The following CPNE4 variants were observed in gnomAD, a reference collection of about 807,000 sequenced individuals.
CPNE4 encodes copine 4.
Under a neutral mutation model 67.9 loss-of-function variants are expected in CPNE4, and 25 were observed. The observed-to-expected ratio is 0.37, with a 90% CI of 0.27 to 0.51. CPNE4 has a LOEUF of 0.51. CPNE4 is among the 20% of genes least tolerant of loss of function. The pLI is 0.93. For synonymous variants in CPNE4, 242 were observed against 244.9 expected, an observed-to-expected ratio of 0.99 and a Z score of 0.11; for missense variants, 464 against 690.8, an observed-to-expected ratio of 0.67 and a Z score of 3.68.
intron 7 of CPNE4, among the ~76,000 whole-genome samples, chr3:131,619,492 T>C (rs1582902942): frequency 6.6e-6 from 1 of 152,232 alleles, no homozygotes; most frequent in South Asian, 2.1e-4. Context: ...TATTGAACTC[T>C]GGGCTTTGTG....
At chr3:131,820,449 C>T (rs1180771573) in intron 2 of CPNE4, among the ~76,000 whole-genome samples, 2 of 152,184 alleles carry the variant, frequency 1.3e-5, no homozygotes, top group African/African-American at 4.8e-5. Flanking sequence ...TGAGGGGGCT[C>T]TCTGCAGCTG....
At chr3:131,745,242 C>T (rs2082459761) in intron 2 of CPNE4, among the ~76,000 whole-genome samples, 1 of 152,000 alleles carries the variant, frequency 6.6e-6, no homozygotes, top group Admixed American at 6.6e-5. Context: ...TTTGATGAAA[C>T]GTCTCTTCAT....
chr3:131,541,059 G>A (rs1049613636), intron 15 of CPNE4, among the ~76,000 whole-genome samples: 3 of 152,198 alleles, frequency 2.0e-5, no homozygotes, highest in Non-Finnish European at 2.9e-5. Flanking sequence ...CTGCAGCAGT[G>A]CAGAGGGCAA....
chr3:131,915,970 A>C (rs989992417), intron 1 of CPNE4, among the ~76,000 whole-genome samples: 1 of 152,218 alleles, frequency 6.6e-6, no homozygotes, highest in Non-Finnish European at 1.5e-5. Context: ...AATTTAATGT[A>C]TAAGTGTAAC....
At position 131,973,621 on chromosome 3, in the gene CPNE4, AT is replaced by A. The variant is rs139445666; in HGVS notation, c.-2+60945del. The stretch of plus-strand genomic sequence containing the variant: ...CAGCAGAGCTGGTGGCAGAGCTGGT[AT>A]TCAAACCCAGGCAATTTGATACCAG... On this transcript the variant is annotated intron_variant, in intron 1 of 15. Transcript: ENST00000429747. 8.3e-4 allele frequency among the ~76,000 whole-genome samples: 127 copies of A among 152,352 alleles called. No homozygotes were observed. The East Asian group carries it at 0.023, about 28-fold the overall frequency.
chr3:131,850,232 GCTCT>G (rs915374945), intron 2 of CPNE4, among the ~76,000 whole-genome samples: 7 of 151,938 alleles, frequency 4.6e-5, no homozygotes, highest in African/African-American at 4.8e-5. Flanking sequence ...TCTAAAAAAT[GCTCT>G]CTAAGGGTTT....
At chr3:131,794,861 G>A (rs2083876459) in intron 2 of CPNE4, among the ~76,000 whole-genome samples, 1 of 152,150 alleles carries the variant, frequency 6.6e-6, no homozygotes, top group African/African-American at 2.4e-5. Context: ...ATGAAAGCTT[G>A]GGGAATGAAA....
At chr3:131,814,572 A>ATT (rs71136418) in intron 2 of CPNE4, among the ~76,000 whole-genome samples, 1 of 71,134 alleles carries the variant, frequency 1.4e-5, no homozygotes, top group Non-Finnish European at 2.7e-5. Flanking sequence ...TTGAAATGCA[A>ATT]TTTTTTTTTT....
intron 1 of CPNE4, among the ~76,000 whole-genome samples, chr3:131,993,216 G>A (rs1281696014): frequency 1.5e-5 from 2 of 135,310 alleles, no homozygotes; most frequent in African/African-American, 4.9e-5. Context: ...ACTCATGAAA[G>A]TATCACAAGT....
chr3:131,759,118 C>A (rs1449439806), intron 2 of CPNE4, among the ~76,000 whole-genome samples: 1 of 152,092 alleles, frequency 6.6e-6, no homozygotes, highest in African/African-American at 2.4e-5. Context: ...GTAGAAGAAT[C>A]CAAGCAAGAA....
chr3:131,803,075 G>C (rs573886560), intron 2 of CPNE4, among the ~76,000 whole-genome samples: 5 of 152,132 alleles, frequency 3.3e-5, no homozygotes, highest in Admixed American at 1.3e-4. Context: ...GTAGTGAAAG[G>C]TTACAAAAAT....
At chr3:131,582,898 G>A (rs1247664885) in intron 8 of CPNE4, among the ~76,000 whole-genome samples, 4 of 152,170 alleles carry the variant, frequency 2.6e-5, no homozygotes, top group African/African-American at 7.2e-5. Flanking sequence ...GAAGAATTCA[G>A]CCAATACTGC....
chr3:131,983,898 T>A (rs1184066911), intron 1 of CPNE4, among the ~76,000 whole-genome samples: 1 of 152,222 alleles, frequency 6.6e-6, no homozygotes, highest in Non-Finnish European at 1.5e-5. Context: ...AGAGAGTCAC[T>A]GTGTCTTCAA....
At chr3:131,961,754 T>C (rs2072187702) in intron 1 of CPNE4, among the ~76,000 whole-genome samples, 1 of 152,142 alleles carries the variant, frequency 6.6e-6, no homozygotes, top group Non-Finnish European at 1.5e-5. Context: ...CCTCAAAAAA[T>C]GACCTTAAAG....
chr3:131,680,671 T>C (rs2080725045), intron 6 of CPNE4, among the ~76,000 whole-genome samples: 2 of 152,184 alleles, frequency 1.3e-5, no homozygotes, highest in Non-Finnish European at 2.9e-5. Context: ...ATTTTATTTA[T>C]TTAATTTTTT....
rs552419921 is a variant in CPNE4, at chr3:131,697,809, A to G, written c.433-1193T>C. On this transcript the variant is annotated intron_variant, in intron 4 of 15. Coordinates refer to ENST00000429747, the MANE Select transcript of CPNE4 (RefSeq NM_130808.3). ...GATCACAGACACCTTTGGAAAACTGATGAAAGTTATGATTTTCACCATCTG... is the reference window on the plus strand; with the variant it reads ...GATCACAGACACCTTTGGAAAACTGGTGAAAGTTATGATTTTCACCATCTG... 2.6e-5 allele frequency among the ~76,000 whole-genome samples: 4 copies of G among 152,332 alleles called. No homozygotes were observed. The East Asian group carries it at 7.7e-4, about 29-fold the overall frequency.
intron 1 of CPNE4, among the ~76,000 whole-genome samples, chr3:131,929,243 A>T (rs1459243197): frequency 1.3e-5 from 2 of 151,068 alleles, no homozygotes; most frequent in Non-Finnish European, 2.9e-5. Flanking sequence ...GTGTTAGAAA[A>T]CACCAATCAT....
intron 2 of CPNE4, among the ~76,000 whole-genome samples, chr3:131,732,147 A>G (rs1228253191): frequency 1.3e-5 from 2 of 152,180 alleles, no homozygotes; most frequent in Non-Finnish European, 2.9e-5. Context: ...ACCACACCCC[A>G]ACCTCTGGAT....
At chr3:131,584,045 T>G (rs1402054874) in intron 8 of CPNE4, among the ~76,000 whole-genome samples, 1 of 152,206 alleles carries the variant, frequency 6.6e-6, no homozygotes, top group Non-Finnish European at 1.5e-5. Context: ...CTTATAAATG[T>G]TATTCAAGAA....
Sources: gnomAD v4.1 joint callset for allele counts (sites outside exome capture counted in the v4.1 genomes callset) on GRCh38, gnomAD v4.1.1 for gene constraint, MANE v1.5 for transcripts, NCBI Gene and HGNC (gene_info 2026-07-23, HGNC 2026-07-21) for gene names.